TAS2R1: variants seen among roughly 807,000 people sequenced by gnomAD.
The protein encoded by TAS2R1 is taste 2 receptor member 1.
For missense variants in TAS2R1, 370 were observed against 353.4 expected, an observed-to-expected ratio of 1.05 and a Z score of -0.38; for synonymous variants, 141 against 134.2, an observed-to-expected ratio of 1.05 and a Z score of -0.35.
the TAS2R1 span, among the ~76,000 whole-genome samples, chr5:9,719,792 C>T: frequency 6.6e-6 from 1 of 151,926 alleles, no homozygotes; most frequent in Non-Finnish European, 1.5e-5. Flanking sequence ...GTGGCGGGCG[C>T]CTGTAGTACC....
At position 9,659,230 on chromosome 5, in the gene TAS2R1, C is replaced by T. The variant is rs577308069; in HGVS notation, c.-81+191G>A. On this transcript the variant is annotated intron_variant, in intron 2 of 2. Coordinates refer to the TAS2R1 transcript ENST00000506620. ...GTGTGACCCAGGGGAGCACAGGGACCCCATGAACTACTCCCCCATGGGAAT... is the reference window on the plus strand; with the variant it reads ...GTGTGACCCAGGGGAGCACAGGGACTCCATGAACTACTCCCCCATGGGAAT... 3.3e-5 allele frequency among the ~76,000 whole-genome samples: 5 copies of T among 152,174 alleles called. No homozygotes were observed. In the South Asian group the frequency reaches 1.0e-3, roughly 32 times the overall value.
At chr5:9,711,159 CTGAG>C (rs1322200924) in intron 1 of TAS2R1, among the ~76,000 whole-genome samples, 1 of 151,884 alleles carries the variant, frequency 6.6e-6, no homozygotes, top group Non-Finnish European at 1.5e-5. Flanking sequence ...AATCCCACTT[CTGAG>C]TATTTATCTA....
chr5:9,681,900 C>T (rs1003556249), intron 1 of TAS2R1, among the ~76,000 whole-genome samples: 21 of 152,256 alleles, frequency 1.4e-4, no homozygotes, highest in African/African-American at 5.1e-4. Context: ...AGCCATATTA[C>T]AGTTTAAAAT....
At chr5:9,770,565 T>G in the TAS2R1 span, among the ~76,000 whole-genome samples, 1 of 152,208 alleles carries the variant, frequency 6.6e-6, no homozygotes, top group Non-Finnish European at 1.5e-5. Flanking sequence ...ATCTTTACAC[T>G]TTTTGTGTGT....
intron 1 of TAS2R1, among the ~76,000 whole-genome samples, chr5:9,664,498 CA>C (rs540232206): frequency 1.3e-4 from 20 of 152,278 alleles, no homozygotes; most frequent in Admixed American, 1.1e-3. Context: ...GTATATATTC[CA>C]TAACGATTTC....
At chr5:9,888,627 C>A in the TAS2R1 span, among the ~76,000 whole-genome samples, 1 of 152,200 alleles carries the variant, frequency 6.6e-6, no homozygotes, top group Admixed American at 6.5e-5. Flanking sequence ...CTGTCATTCC[C>A]CCAAAAGTCC....
chr5:9,765,973 G>A, the TAS2R1 span, among the ~76,000 whole-genome samples: 2 of 152,184 alleles, frequency 1.3e-5, no homozygotes, highest in Admixed American at 1.3e-4. Context: ...TATCTGAATT[G>A]CATTTCTCTT....
chr5:9,654,146 A>G (rs925688268), intron 2 of TAS2R1, among the ~76,000 whole-genome samples: 4 of 152,220 alleles, frequency 2.6e-5, no homozygotes, highest in Admixed American at 2.6e-4. Context: ...ATTACTTTCT[A>G]TAGGAATTTC....
chr5:9,885,243 T>C, the TAS2R1 span, among the ~76,000 whole-genome samples: 2 of 152,240 alleles, frequency 1.3e-5, no homozygotes, highest in Admixed American at 1.3e-4. Context: ...ACAATTTTTA[T>C]TTTTTAATAA....
At chr5:9,895,411 AT>A in the TAS2R1 span, among the ~76,000 whole-genome samples, 1 of 152,212 alleles carries the variant, frequency 6.6e-6, no homozygotes, top group Non-Finnish European at 1.5e-5. Flanking sequence ...TTGAAAGTCA[AT>A]ACCACCCCCT....
chr5:9,902,887 T>C, the TAS2R1 span: 2 of 152,016 alleles, frequency 1.3e-5, no homozygotes, highest in South Asian at 2.1e-4. Flanking sequence ...AAATCACTCG[T>C]GTCTTCAGCA....
At chr5:9,795,658 C>T in the TAS2R1 span, among the ~76,000 whole-genome samples, 1 of 152,154 alleles carries the variant, frequency 6.6e-6, no homozygotes, top group Non-Finnish European at 1.5e-5. Context: ...TCCTTCGGCA[C>T]AGGCTCAAGT....
upstream of TAS2R1, among the ~76,000 whole-genome samples, chr5:9,716,701 T>G (rs573195492): frequency 1.7e-4 from 26 of 152,300 alleles, 1 homozygote; most frequent in South Asian, 5.4e-3. Flanking sequence ...AAGCTGAATT[T>G]GTACCTTCTC....
At chr5:9,717,916 T>TA in the TAS2R1 span, among the ~76,000 whole-genome samples, 1 of 152,178 alleles carries the variant, frequency 6.6e-6, no homozygotes, top group Non-Finnish European at 1.5e-5. Flanking sequence ...ATTAAAATTT[T>TA]AAAAAAGGTT....
At chr5:9,828,819 T>C in the TAS2R1 span, among the ~76,000 whole-genome samples, 1 of 152,240 alleles carries the variant, frequency 6.6e-6, no homozygotes, top group Admixed American at 6.5e-5. Flanking sequence ...TATATTTATA[T>C]TCTAAAGCTG....
chr5:9,663,459 C>T (rs1041289823), intron 1 of TAS2R1, among the ~76,000 whole-genome samples: 10 of 152,062 alleles, frequency 6.6e-5, no homozygotes, highest in Admixed American at 6.6e-4. Context: ...TTTTCAGAGA[C>T]GTAAATTTTT....
the TAS2R1 span, among the ~76,000 whole-genome samples, chr5:9,761,194 C>T: frequency 6.6e-6 from 1 of 152,202 alleles, no homozygotes. Flanking sequence ...TGGGCCTTGC[C>T]ACTCTGAGAA....
the TAS2R1 span, chr5:9,889,738 G>C: frequency 6.6e-6 from 1 of 152,180 alleles, no homozygotes; most frequent in East Asian, 1.9e-4. Flanking sequence ...GGGTCAGAAG[G>C]GGCAGAGTCT....
the TAS2R1 span, among the ~76,000 whole-genome samples, chr5:9,867,931 G>T: frequency 6.6e-6 from 1 of 152,206 alleles, no homozygotes; most frequent in South Asian, 2.1e-4. Flanking sequence ...GTGAAATCCA[G>T]CAGGGCAGTC....
Sources: allele counts gnomAD v4.1 joint callset (sites outside exome capture counted in the v4.1 genomes callset), GRCh38; gene constraint gnomAD v4.1.1; transcripts MANE v1.5; gene names NCBI Gene and HGNC (gene_info 2026-07-23, HGNC 2026-07-21).